MMP2: variants seen among roughly 807,000 people sequenced by gnomAD.
MMP2 encodes 72 kDa type IV collagenase.
A neutral mutation model predicts 74.8 loss-of-function variants in MMP2; 39 were observed. That is an observed-to-expected ratio of 0.52 (90% CI 0.40 to 0.68). The LOEUF is 0.68. Among genes scored for constraint, MMP2 ranks in the 30% least tolerant of loss-of-function variants. The probability of loss-of-function intolerance (pLI) is 0.00; values close to 1 mark genes in which losing one functional copy is unlikely to be tolerated. For synonymous variants in MMP2, 367 were observed against 339.8 expected, an observed-to-expected ratio of 1.08 and a Z score of -0.88; for missense variants, 803 against 878.3, an observed-to-expected ratio of 0.91 and a Z score of 1.08.
chr16:55,489,630 C>A, intron 6 of MMP2, 21 bp from the exon 7 acceptor site: 1 of 1,613,666 alleles, frequency 6.2e-7, no homozygotes. Context: ...TGCGCCTTGA[C>A]CCGTATCCCT....
At chr16:55,503,874 C>G (rs1962729986) in intron 12 of MMP2, among the ~76,000 whole-genome samples, 1 of 152,166 alleles carries the variant, frequency 6.6e-6, no homozygotes, top group African/African-American at 2.4e-5. Flanking sequence ...GGGGCCTAGG[C>G]AGCTGCCATG....
intron 12 of MMP2, 73 bp from the exon 13 acceptor site, chr16:55,505,266 A>G: frequency 7.7e-7 from 1 of 1,299,612 alleles, no homozygotes; most frequent in Admixed American, 1.7e-5. Flanking sequence ...CAGAAATTCA[A>G]AGTTCCCAGG....
intron 2 of MMP2, 88 bp from the exon 3 acceptor site, chr16:55,483,928 T>C: frequency 6.8e-7 from 1 of 1,467,654 alleles, no homozygotes; most frequent in Non-Finnish European, 9.5e-7. Flanking sequence ...CTCAAACTTT[T>C]TCATACATCT....
intron 1 of MMP2, among the ~76,000 whole-genome samples, chr16:55,480,344 C>T (rs1401245046): frequency 3.3e-5 from 5 of 152,090 alleles, no homozygotes; most frequent in Non-Finnish European, 7.3e-5. Context: ...GGCTGGGCCT[C>T]GGAAAGTTTC....
intron 1 of MMP2, chr16:55,481,726 C>G: frequency 1.6e-6 from 1 of 644,442 alleles, no homozygotes. Flanking sequence ...GGACTTAGAC[C>G]GCTTGGCTTC....
intron 1 of MMP2, 137 bp from the exon 2 acceptor site, chr16:55,482,772 A>C: frequency 1.3e-6 from 1 of 751,194 alleles, no homozygotes; most frequent in Admixed American, 2.0e-5. Context: ...TACTCCACCC[A>C]GTGCTCTGGG....
intron 9 of MMP2, 137 bp from the exon 10 acceptor site, chr16:55,496,789 C>A: frequency 8.2e-7 from 1 of 1,216,428 alleles, no homozygotes; most frequent in Non-Finnish European, 1.2e-6. Flanking sequence ...CCTTCTCCAA[C>A]CTTCCTTTGA....
At chr16:55,494,894 T>G (rs1447581371) in intron 9 of MMP2, among the ~76,000 whole-genome samples, 1 of 152,184 alleles carries the variant, frequency 6.6e-6, no homozygotes, top group African/African-American at 2.4e-5. Flanking sequence ...GGGTGACAAG[T>G]TAGGAGGTTC....
In MMP2 at chr16:55,484,197, C is replaced by G; in HGVS notation, c.529+33C>G. The G allele has an allele frequency of 2.5e-6, 4 of 1,609,548 alleles. No homozygotes were observed. The South Asian group carries it at 4.4e-5, about 18-fold the overall frequency. Reference sequence around the variant, plus strand: ...GAAGATGGGGCAGAAGAGGGGCCAGCAGGGATCAGTGTTGAGACGAGGGGG... The same window carrying G: ...GAAGATGGGGCAGAAGAGGGGCCAGGAGGGATCAGTGTTGAGACGAGGGGG... On this transcript the variant is annotated intron_variant, in intron 3 of 12. Coordinates refer to ENST00000219070, the MANE Select transcript of MMP2 (RefSeq NM_004530.6).
At chr16:55,497,724 T>C (rs1354634378) in intron 10 of MMP2, among the ~76,000 whole-genome samples, 1 of 152,220 alleles carries the variant, frequency 6.6e-6, no homozygotes, top group Non-Finnish European at 1.5e-5. Context: ...TTGGAGCATT[T>C]CCATGCGCTG....
At chr16:55,504,256 T>G (rs2142375711) in intron 12 of MMP2, among the ~76,000 whole-genome samples, 1 of 152,192 alleles carries the variant, frequency 6.6e-6, no homozygotes, top group East Asian at 1.9e-4. Context: ...TGTGACTTTT[T>G]GGATGTTTAC....
At chr16:55,499,390 G>T (rs1962610809) in intron 11 of MMP2, among the ~76,000 whole-genome samples, 1 of 152,068 alleles carries the variant, frequency 6.6e-6, no homozygotes. Context: ...CTTAGAGATG[G>T]GTGCACCAGT....
intron 10 of MMP2, 42 bp downstream of exon 10, chr16:55,497,104 G>C (rs1342626407): frequency 6.2e-7 from 1 of 1,612,986 alleles, no homozygotes; most frequent in East Asian, 2.2e-5. Context: ...GCTCCACAGG[G>C]CTCTGCACCA....
upstream of MMP2, chr16:55,478,874 G>T (rs1359088100): frequency 6.6e-6 from 1 of 152,222 alleles, no homozygotes; most frequent in Non-Finnish European, 1.5e-5. Flanking sequence ...TAGTAGTACC[G>T]CTGCTCTCTA....
At chr16:55,489,404 C>T (rs1962343438) in intron 6 of MMP2, among the ~76,000 whole-genome samples, 1 of 152,082 alleles carries the variant, frequency 6.6e-6, no homozygotes. Context: ...CTGATACTTC[C>T]TAGCAGTGTT....
intron 6 of MMP2, 89 bp from the exon 7 acceptor site, chr16:55,489,562 G>C (rs1210178498): frequency 6.7e-7 from 1 of 1,493,698 alleles, no homozygotes. Context: ...ACTTAGGTGT[G>C]GTTCATTAAG....
intron 8 of MMP2, among the ~76,000 whole-genome samples, chr16:55,492,577 G>T (rs143308272): frequency 6.6e-6 from 1 of 152,004 alleles, no homozygotes; most frequent in Non-Finnish European, 1.5e-5. Context: ...TAGTGAAAGT[G>T]GTGCTTGAGT....
intron 11 of MMP2, among the ~76,000 whole-genome samples, chr16:55,501,333 C>A (rs1164991771): frequency 6.6e-6 from 1 of 152,174 alleles, no homozygotes; most frequent in African/African-American, 2.4e-5. Flanking sequence ...AACTTGGAAG[C>A]AAACTAATTC....
rs1301362679 is a variant in MMP2, at chr16:55,498,309, T to G, written c.1630T>G (p.Ser544Ala). Residue 544 changes from serine (S) to alanine (A), a missense_variant, in exon 11 of 13, where the codon TCA becomes GCA. Physicochemically the swap from Ser to Ala is moderately conservative, Grantham distance 99. This residue lies in a region of MMP2 where 555 missense variants were observed against 592.0 expected (regional missense o/e 0.94). Transcript: ENST00000219070. ...CCCAGGGAATGAATACTGGATCTAC[T>G]CAGCCAGCACCCTGGAGCGAGGGTA... Reference protein sequence around the residue: ...FFAGNEYWIYSASTLERGYPK... With the variant: ...FFAGNEYWIYAASTLERGYPK... 2 of 1,614,072 alleles carry G rather than the reference T, an allele frequency of 1.2e-6. No individual in the cohort carries two copies. Among genetic ancestry groups the G allele is most frequent in the Non-Finnish European group, 1.7e-6 (2 of 1,180,036 alleles).
Sources: gnomAD v4.1 joint callset for allele counts (sites outside exome capture counted in the v4.1 genomes callset) on GRCh38, gnomAD v4.1.1 for gene constraint, gnomAD v4.1.1 regional missense constraint, MANE v1.5 for transcripts, NCBI Gene and HGNC (gene_info 2026-07-23, HGNC 2026-07-21) for gene names.